The following FGL1 variants were observed in gnomAD, a reference collection of about 807,000 sequenced individuals.
FGL1 encodes fibrinogen-like protein 1.
FGL1 carries 59 observed loss-of-function variants against 43.7 expected under a neutral mutation model. The ratio of observed to expected loss-of-function variants is 1.35; its 90% CI spans 1.10 to 1.68. The LOEUF (loss-of-function observed/expected upper bound fraction) is 1.68, where lower values mean the gene tolerates loss of function less well. FGL1 is among the 40% of genes most tolerant of loss of function. FGL1 has a pLI of 0.00. For missense variants in FGL1, 596 were observed against 373.0 expected (o/e 1.60, Z -4.92); for synonymous variants, 192 against 126.5 (o/e 1.52, Z -3.48).
At chr8:17,888,304 A>C (rs2053657959) in intron 1 of FGL1, among the ~76,000 whole-genome samples, 1 of 152,206 alleles carries the variant, frequency 6.6e-6, no homozygotes, top group African/African-American at 2.4e-5. Context: ...TAGGTTTGCT[A>C]TCAATTAATA....
rs1404076620 is a variant in FGL1, at chr8:17,885,583, A to G, written c.-17-12T>C. On this transcript the variant is annotated splice_polypyrimidine_tract_variant and intron_variant, in intron 1 of 7. Transcript: ENST00000427924. ...CCCCCTTGAAAAAACTGCAAGAACA[A>G]AAAGAATTTTATAAATGTATCAACC... is the stretch of plus-strand genomic sequence containing the variant. The G allele has an allele frequency of 6.2e-7, 1 of 1,610,732 alleles. No homozygotes were observed.
intron 3 of FGL1, among the ~76,000 whole-genome samples, chr8:17,881,527 C>G (rs1390072016): frequency 2.7e-5 from 4 of 150,332 alleles, no homozygotes; most frequent in African/African-American, 4.9e-5. Flanking sequence ...AATGCCCTGG[C>G]AGAGATAGAA....
chr8:17,885,045 C>A (rs1241036725), intron 2 of FGL1, among the ~76,000 whole-genome samples: 2 of 144,342 alleles, frequency 1.4e-5, no homozygotes, highest in African/African-American at 5.1e-5. Context: ...ATGTAAAGCA[C>A]TTTTTTTTTT....
intron 2 of FGL1, chr8:17,882,514 G>A (rs549091919): frequency 8.0e-5 from 14 of 174,372 alleles, no homozygotes; most frequent in South Asian, 5.8e-4. Context: ...GTGGGTAAGC[G>A]GAGGTGGGAT....
intron 1 of FGL1, among the ~76,000 whole-genome samples, chr8:17,891,065 T>C (rs1428649379): frequency 6.6e-6 from 1 of 152,170 alleles, no homozygotes; most frequent in Non-Finnish European, 1.5e-5. Context: ...TATTATAATA[T>C]ATGTGTTTAT....
intron 1 of FGL1, among the ~76,000 whole-genome samples, chr8:17,887,652 T>C (rs1247505610): frequency 1.3e-5 from 2 of 152,028 alleles, no homozygotes; most frequent in Admixed American, 6.6e-5. Context: ...ATGGCCAACA[T>C]AGTGAAACCC....
At chr8:17,886,560 C>A (rs551968159) in intron 1 of FGL1, among the ~76,000 whole-genome samples, 1 of 152,030 alleles carries the variant, frequency 6.6e-6, no homozygotes, top group East Asian at 1.9e-4. Context: ...GAGCTCGAGA[C>A]CAGCCTGGTC....
Position 17,885,566 on chromosome 8 carries a change from A to G in FGL1, c.-12T>C. 6.2e-7 allele frequency: 1 copy of G among 1,612,920 alleles called. No homozygotes were observed. Among genetic ancestry groups the G allele is most frequent in the Non-Finnish European group, 8.5e-7 (1 of 1,179,410 alleles). ...AACACCTTTGCCATGTTCCCCCTTG[A>G]AAAAACTGCAAGAACAAAAAGAATT... On this transcript the variant is annotated 5_prime_UTR_variant, in exon 2 of 8. Transcript: ENST00000427924.
Position 17,874,121 on chromosome 8 carries a change from A to G in FGL1, c.405-5T>C. The G allele has an allele frequency of 6.2e-7, 1 of 1,609,486 alleles. No individual in the cohort carries two copies. Among genetic ancestry groups the G allele is most frequent in the Non-Finnish European group, 8.5e-7 (1 of 1,177,992 alleles). On this transcript the variant is annotated splice_polypyrimidine_tract_variant and splice_region_variant and intron_variant, in intron 4 of 7. Transcript: ENST00000427924. ...TTTTCATAGTCTTTCCATCCTCTAA[A>G]AAAGGTAAAGTGGAAGCCGATTAGA... is the stretch of plus-strand genomic sequence containing the variant.
chr8:17,890,074 C>T (rs145138580), intron 1 of FGL1, among the ~76,000 whole-genome samples: 1 of 152,190 alleles, frequency 6.6e-6, no homozygotes, highest in Non-Finnish European at 1.5e-5. Context: ...CATGAAATCT[C>T]ACGATGTCTT....
chr8:17,879,628 G>T (rs2053505207), intron 3 of FGL1, among the ~76,000 whole-genome samples: 2 of 152,168 alleles, frequency 1.3e-5, no homozygotes, highest in Non-Finnish European at 1.5e-5. Context: ...GCCTGCTTCT[G>T]CTTTGCCGTC....
chr8:17,872,835 T>C (rs1269988199), intron 5 of FGL1, among the ~76,000 whole-genome samples: 1 of 152,190 alleles, frequency 6.6e-6, no homozygotes, highest in East Asian at 1.9e-4. Flanking sequence ...AAGATAAGAA[T>C]TTAAAAGTAT....
intron 5 of FGL1, among the ~76,000 whole-genome samples, chr8:17,872,590 A>T (rs1323086679): frequency 6.6e-6 from 1 of 152,218 alleles, no homozygotes; most frequent in East Asian, 1.9e-4. Context: ...GGCATGAGCC[A>T]CCATGCCCAG....
In FGL1 at chr8:17,864,718, G is replaced by A; in HGVS notation, c.813C>T (p.Tyr271=). 2 of 1,610,228 alleles carry A rather than the reference G, an allele frequency of 1.2e-6. No homozygotes were observed. Among genetic ancestry groups the A allele is most frequent in the Non-Finnish European group, 1.7e-6 (2 of 1,178,916 alleles). Residue 271 remains tyrosine, a synonymous_variant, in exon 8 of 8, where the codon TAC becomes TAT. Coordinates refer to ENST00000427924, the MANE Select transcript of FGL1 (RefSeq NM_004467.4). The part of the protein sequence containing the change: ...CHSANLNGVY[Y]SGPYTAKTDN... ...CTGTTTTAGCCGTGTAGGGGCCGCTGTAGTATACACCATTCAGGTTTGCAG... is the reference window on the plus strand; with the variant it reads ...CTGTTTTAGCCGTGTAGGGGCCGCTATAGTATACACCATTCAGGTTTGCAG...
chr8:17,875,607 T>TTCTTTCTC (rs2053444616), intron 3 of FGL1, among the ~76,000 whole-genome samples: 1 of 147,160 alleles, frequency 6.8e-6, no homozygotes, highest in Non-Finnish European at 1.5e-5. Flanking sequence ...CTTTCTTTCT[T>TTCTTTCTC]TCTTTCTTTT....
At chr8:17,871,798 T>G (rs138181929) in intron 5 of FGL1, among the ~76,000 whole-genome samples, 84 of 152,220 alleles carry the variant, frequency 5.5e-4, no homozygotes, top group African/African-American at 1.9e-3. Flanking sequence ...AAAAACACGT[T>G]TTTTCTCCAA....
chr8:17,890,461 G>A (rs890304715), intron 1 of FGL1, among the ~76,000 whole-genome samples: 5 of 152,092 alleles, frequency 3.3e-5, no homozygotes, highest in South Asian at 2.1e-4. Context: ...TTCTCAGGGC[G>A]ATTGCACTTG....
intron 3 of FGL1, among the ~76,000 whole-genome samples, chr8:17,881,602 G>A (rs1031822888): frequency 1.1e-4 from 17 of 151,672 alleles, no homozygotes; most frequent in African/African-American, 3.9e-4. Context: ...GGGAGGCCGA[G>A]GCAGGCGAAT....
chr8:17,881,200 G>A (rs1024797593), intron 3 of FGL1, among the ~76,000 whole-genome samples: 4 of 149,966 alleles, frequency 2.7e-5, no homozygotes, highest in Admixed American at 1.3e-4. Flanking sequence ...GCAGTGGCAC[G>A]ATCTTGGCTC....
Sources: allele counts gnomAD v4.1 joint callset (sites outside exome capture counted in the v4.1 genomes callset), GRCh38; gene constraint gnomAD v4.1.1; transcripts MANE v1.5; gene names NCBI Gene and HGNC (gene_info 2026-07-23, HGNC 2026-07-21).